The following ATP6V1A variants were observed in gnomAD, a reference collection of about 807,000 sequenced individuals.
The protein encoded by ATP6V1A is V-type proton ATPase catalytic subunit A.
ATP6V1A carries 18 observed loss-of-function variants against 70.1 expected under a neutral mutation model. That is an observed-to-expected ratio of 0.26 (90% CI 0.18 to 0.38). ATP6V1A has a LOEUF of 0.38. ATP6V1A is among the 10% of genes least tolerant of loss of function. The pLI is 1.00. For synonymous variants in ATP6V1A, 232 were observed against 253.8 expected (o/e 0.91, Z 0.82); for missense variants, 424 against 772.4 (o/e 0.55, Z 5.35).
At chr3:113,788,598 G>A (rs559523948) in intron 6 of ATP6V1A, 115 bp from the exon 7 acceptor site, 11 of 881,706 alleles carry the variant, frequency 1.2e-5, no homozygotes, top group Middle Eastern at 7.3e-4. Flanking sequence ...CACCCGCTTC[G>A]GCCCCCACAA....
In ATP6V1A at chr3:113,778,580, A is replaced by T. The variant is rs926294106; in HGVS notation, c.-13-161A>T. ...AGAGAGCCTCTTAAAAATTTTTTTT[A>T]AATTAAGAAAAGGAATTTTTTTATT... On this transcript the variant is annotated intron_variant, in intron 1 of 14. Coordinates refer to ENST00000273398, the MANE Select transcript of ATP6V1A (RefSeq NM_001690.4). Among the ~76,000 whole-genome samples, 4 of 152,166 alleles carry T rather than the reference A, an allele frequency of 2.6e-5. No individual in the cohort carries two copies. In the South Asian group the frequency reaches 6.2e-4, roughly 24 times the overall value.
At chr3:113,806,681 A>G (rs895384750) in intron 14 of ATP6V1A, among the ~76,000 whole-genome samples, 2 of 152,058 alleles carry the variant, frequency 1.3e-5, no homozygotes, top group African/African-American at 4.8e-5. Flanking sequence ...GCTGGTCTTG[A>G]ACTCCTGACC....
intron 5 of ATP6V1A, among the ~76,000 whole-genome samples, chr3:113,785,303 G>T (rs1397494598): frequency 1.3e-5 from 2 of 152,046 alleles, no homozygotes; most frequent in Non-Finnish European, 2.9e-5. Context: ...AGCCAGGCGT[G>T]GTGGCGCACG....
chr3:113,795,980 T>G (rs1340406604), intron 11 of ATP6V1A, 41 bp downstream of exon 11: 1 of 1,505,516 alleles, frequency 6.6e-7, no homozygotes, highest in Non-Finnish European at 9.1e-7. Flanking sequence ...GAGCCTTTCC[T>G]CCTCTCTGCA....
intron 1 of ATP6V1A, among the ~76,000 whole-genome samples, chr3:113,758,853 A>G (rs1369241423): frequency 2.6e-5 from 4 of 152,160 alleles, no homozygotes; most frequent in African/African-American, 9.7e-5. Flanking sequence ...AGTCTTTTAA[A>G]CTTTTAGCCA....
At chr3:113,760,114 A>G (rs1276231593) in intron 1 of ATP6V1A, among the ~76,000 whole-genome samples, 1 of 152,254 alleles carries the variant, frequency 6.6e-6, no homozygotes. Flanking sequence ...GTTTAGTTAA[A>G]TAAACCCTGG....
At chr3:113,792,304 ATTC>A (rs1355188437) in intron 8 of ATP6V1A, among the ~76,000 whole-genome samples, 1 of 151,422 alleles carries the variant, frequency 6.6e-6, no homozygotes, top group Non-Finnish European at 1.5e-5. Context: ...TTTTTACACT[ATTC>A]TTTGTATGTT....
chr3:113,778,615 A>G lies in ATP6V1A; in HGVS notation c.-13-126A>G, dbSNP rs1302229790. Reference sequence around the variant, plus strand: ...AAGGAATTTTTTTATTCTACTTTGAAGAAGTATAATAACTCAAGAATACAC... The same window carrying G: ...AAGGAATTTTTTTATTCTACTTTGAGGAAGTATAATAACTCAAGAATACAC... On this transcript the variant is annotated intron_variant, in intron 1 of 14. Transcript: ENST00000273398. The G allele has an allele frequency of 1.5e-5, 7 of 476,688 alleles. No homozygotes were observed. In the South Asian group the frequency reaches 3.0e-4, roughly 21 times the overall value. 29.5% of individuals were successfully genotyped at this position (476,688 alleles called of 1,614,324 possible).
intron 1 of ATP6V1A, among the ~76,000 whole-genome samples, chr3:113,766,467 T>A (rs1438410802): frequency 2.0e-5 from 3 of 152,246 alleles, no homozygotes; most frequent in Middle Eastern, 3.4e-3. Flanking sequence ...GCTAATTTTT[T>A]AATTTTTTGT....
chr3:113,798,222 G>A lies in ATP6V1A; in HGVS notation c.1291-21G>A, dbSNP rs1477389489. On this transcript the variant is annotated intron_variant, in intron 11 of 14. Transcript: ENST00000273398. ...TTTTGAGAAAAATTACTGTTTTTGT[G>A]TGTGTGTTTTTTTTAATCAGGTGTT... 13 of 1,609,560 alleles carry A rather than the reference G, an allele frequency of 8.1e-6. No homozygotes were observed. The African/African-American group carries it at 1.6e-4, about 20-fold the overall frequency.
intron 1 of ATP6V1A, among the ~76,000 whole-genome samples, chr3:113,768,754 C>T (rs1261903757): frequency 6.6e-6 from 1 of 152,078 alleles, no homozygotes; most frequent in Non-Finnish European, 1.5e-5. Flanking sequence ...CGTCACCATG[C>T]CTGGCTAATT....
intron 3 of ATP6V1A, among the ~76,000 whole-genome samples, chr3:113,783,246 C>G (rs1358912352): frequency 2.6e-5 from 4 of 152,044 alleles, no homozygotes; most frequent in African/African-American, 7.2e-5. Context: ...ATAAACAGTG[C>G]TACATTGTAA....
intron 1 of ATP6V1A, among the ~76,000 whole-genome samples, chr3:113,774,405 AC>A (rs1559753383): frequency 1.3e-5 from 2 of 152,180 alleles, no homozygotes; most frequent in African/African-American, 4.8e-5. Context: ...CCTCACAAAA[AC>A]CCCATTAGAT....
intron 1 of ATP6V1A, among the ~76,000 whole-genome samples, chr3:113,770,424 T>C (rs1708822830): frequency 6.6e-6 from 1 of 151,794 alleles, no homozygotes; most frequent in African/African-American, 2.4e-5. Context: ...ATGCCTGTAA[T>C]CCCAGCACTT....
At chr3:113,774,174 A>G (rs966120775) in intron 1 of ATP6V1A, among the ~76,000 whole-genome samples, 2 of 152,182 alleles carry the variant, frequency 1.3e-5, no homozygotes, top group Non-Finnish European at 2.9e-5. Flanking sequence ...GTAAACAGGG[A>G]AATTTCTTGG....
intron 2 of ATP6V1A, among the ~76,000 whole-genome samples, chr3:113,779,783 A>T (rs549273454): frequency 6.6e-6 from 1 of 152,330 alleles, no homozygotes; most frequent in African/African-American, 2.4e-5. Context: ...AGAACATCAG[A>T]GAGTTTAGGA....
chr3:113,782,913 C>T (rs189223623), intron 3 of ATP6V1A, among the ~76,000 whole-genome samples: 116 of 152,096 alleles, frequency 7.6e-4, no homozygotes, highest in African/African-American at 2.7e-3. Flanking sequence ...TGTTATACAC[C>T]TTGCTTTTTT....
Position 113,786,263 on chromosome 3 carries a change from T to C in ATP6V1A, c.596T>C (p.Val199Ala), listed in dbSNP as rs138543954. ...GTCTTGGAGCTTGAATTTGAAGGTG[T>C]AAAGGAGAAGTTCACCATGGTGCAA... ...DVVLELEFEG[V>A]KEKFTMVQVW... is the part of the protein sequence containing the mutation. The change falls in exon 6 of 15, where the codon GTA (valine) becomes GCA (alanine). Residue 199 changes from valine (V) to alanine (A), a missense_variant. Val to Ala is a moderately conservative substitution (Grantham distance 64). Transcript: ENST00000273398. The C allele has an allele frequency of 2.3e-5, 37 of 1,610,934 alleles. No individual in the cohort carries two copies. In the African/African-American group the frequency reaches 4.5e-4, roughly 20 times the overall value.
chr3:113,773,959 A>G (rs548504748), intron 1 of ATP6V1A, among the ~76,000 whole-genome samples: 2 of 152,184 alleles, frequency 1.3e-5, no homozygotes, highest in East Asian at 1.9e-4. Context: ...ACTTCATTAT[A>G]TTTTCCATCT....
Sources: allele counts gnomAD v4.1 joint callset (sites outside exome capture counted in the v4.1 genomes callset), GRCh38; gene constraint gnomAD v4.1.1; transcripts MANE v1.5; gene names NCBI Gene and HGNC (gene_info 2026-07-23, HGNC 2026-07-21).